Variants in CHODL observed in about 807,000 individuals in gnomAD.
CHODL encodes the protein chondrolectin.
A neutral mutation model predicts 34.5 loss-of-function variants in CHODL; 29 were observed. The observed-to-expected ratio is 0.84, with a 90% CI of 0.63 to 1.15. CHODL has a LOEUF of 1.15. CHODL is among the 50% of genes most tolerant of loss of function. The probability of loss-of-function intolerance (pLI) is 0.00; values close to 1 mark genes in which losing one functional copy is unlikely to be tolerated. For missense variants in CHODL, 332 were observed against 332.5 expected (o/e 1.00, Z 0.01); for synonymous variants, 125 against 116.1 (o/e 1.08, Z -0.49).
intron 2 of CHODL, among the ~76,000 whole-genome samples, chr21:18,035,760 G>A (rs1568854594): frequency 6.6e-6 from 1 of 151,344 alleles, no homozygotes; most frequent in Non-Finnish European, 1.5e-5. Context: ...AATCTCAGAT[G>A]TTAAAGTTTT....
Position 18,248,729 on chromosome 21 carries a change from T to TA in CHODL, c.79+3428dup, listed in dbSNP as rs1186522792. Among the ~76,000 whole-genome samples, 146 of 120,158 alleles carry TA rather than the reference T, an allele frequency of 1.2e-3. 1 individual carries two copies. The highest frequency in any genetic ancestry group is 5.1e-3 in the African/African-American group (141 of 27,838). The allele number at this position is 120,158 out of a possible 152,430, so 78.8% of individuals were successfully genotyped here. A position where few individuals can be genotyped will look rare whatever the true frequency, so the allele number is the denominator to read the frequency against. On this transcript the variant is annotated intron_variant, in intron 1 of 5. Transcript: ENST00000299295. ...TATATAATATATACATATATATGTA[T>TA]ATAATATATATGTATAATATATATG...
intron 1 of CHODL, among the ~76,000 whole-genome samples, chr21:17,945,068 C>T (rs369286108): frequency 2.0e-5 from 3 of 151,902 alleles, no homozygotes; most frequent in South Asian, 2.1e-4. Context: ...AAAAATTAGC[C>T]GGGCATGGTG....
chr21:17,972,596 G>A (rs529734006), intron 1 of CHODL, among the ~76,000 whole-genome samples: 1 of 152,286 alleles, frequency 6.6e-6, no homozygotes, highest in African/African-American at 2.4e-5. Flanking sequence ...GGATGTGAAG[G>A]ACCTCTTCAA....
chr21:17,981,375 TG>T (rs2063712699), intron 1 of CHODL, among the ~76,000 whole-genome samples: 1 of 152,166 alleles, frequency 6.6e-6, no homozygotes, highest in South Asian at 2.1e-4. Context: ...GTGTTGTTCA[TG>T]GGCAGCGTTT....
intron 1 of CHODL, among the ~76,000 whole-genome samples, chr21:17,942,539 G>A (rs2063373970): frequency 6.6e-6 from 1 of 152,018 alleles, no homozygotes; most frequent in East Asian, 1.9e-4. Flanking sequence ...CCAGTCTCAG[G>A]TATGTCTTTA....
intron 1 of CHODL, among the ~76,000 whole-genome samples, chr21:17,970,253 C>T (rs563375895): frequency 6.6e-6 from 1 of 152,218 alleles, no homozygotes; most frequent in East Asian, 1.9e-4. Context: ...GACCACAAAA[C>T]TCTATTTACA....
chr21:17,994,810 CAGTT>C (rs1347230531), intron 1 of CHODL, among the ~76,000 whole-genome samples: 1 of 152,042 alleles, frequency 6.6e-6, no homozygotes, highest in Admixed American at 6.6e-5. Flanking sequence ...CCAGCAGTGG[CAGTT>C]AGTAGATTGA....
At chr21:18,047,328 G>A (rs898719625) in intron 2 of CHODL, among the ~76,000 whole-genome samples, 2 of 151,960 alleles carry the variant, frequency 1.3e-5, no homozygotes, top group African/African-American at 4.8e-5. Flanking sequence ...AATTGTGAGA[G>A]AGAAATTATT....
intron 2 of CHODL, among the ~76,000 whole-genome samples, chr21:18,073,237 C>T (rs149270146): frequency 6.6e-5 from 10 of 152,196 alleles, no homozygotes; most frequent in Non-Finnish European, 1.3e-4. Context: ...TTAGTACTAG[C>T]TTAAAAGTTT....
chr21:18,182,009 A>C (rs962296007), intron 2 of CHODL, among the ~76,000 whole-genome samples: 3 of 152,206 alleles, frequency 2.0e-5, no homozygotes, highest in African/African-American at 7.2e-5. Flanking sequence ...GAATATTATT[A>C]ATAATGCTGC....
chr21:18,248,043 A>C (rs929823510), intron 1 of CHODL, among the ~76,000 whole-genome samples: 2 of 150,720 alleles, frequency 1.3e-5, no homozygotes, highest in African/African-American at 4.9e-5. Context: ...TCTAGTGTGC[A>C]TAGCAGTGAT....
chr21:18,078,549 G>A (rs166960), intron 2 of CHODL, among the ~76,000 whole-genome samples: 61,085 of 151,980 alleles, frequency 0.4, 13,549 homozygotes, highest in Non-Finnish European at 0.51. Context: ...TATTATTGCA[G>A]ATACATCGAC....
chr21:18,067,155 A>G (rs959623655), intron 2 of CHODL, among the ~76,000 whole-genome samples: 4 of 152,206 alleles, frequency 2.6e-5, no homozygotes, highest in African/African-American at 9.7e-5. Flanking sequence ...ACTTTTAAGC[A>G]GTATAGAAAG....
intron 2 of CHODL, among the ~76,000 whole-genome samples, chr21:18,203,676 G>A (rs1380114443): frequency 1.3e-5 from 2 of 151,944 alleles, no homozygotes; most frequent in East Asian, 1.9e-4. Flanking sequence ...TTTGTTCACC[G>A]AATATATAGT....
At chr21:18,023,252 A>T (rs975264326) in intron 1 of CHODL, among the ~76,000 whole-genome samples, 1 of 152,024 alleles carries the variant, frequency 6.6e-6, no homozygotes, top group Non-Finnish European at 1.5e-5. Flanking sequence ...CTACAAAGAG[A>T]TTCCCCAGCT....
At chr21:18,203,410 C>T (rs1341507630) in intron 2 of CHODL, among the ~76,000 whole-genome samples, 2 of 152,084 alleles carry the variant, frequency 1.3e-5, no homozygotes, top group African/African-American at 4.8e-5. Context: ...GCATGCAGTT[C>T]GTTCTAAAAC....
chr21:18,059,749 A>G (rs142423946), intron 2 of CHODL, among the ~76,000 whole-genome samples: 1 of 152,320 alleles, frequency 6.6e-6, no homozygotes, highest in East Asian at 1.9e-4. Flanking sequence ...ACATAGGAAC[A>G]GAAAACCAAA....
At chr21:18,093,162 G>A (rs971409165) in intron 2 of CHODL, among the ~76,000 whole-genome samples, 10 of 152,134 alleles carry the variant, frequency 6.6e-5, no homozygotes, top group African/African-American at 2.4e-4. Context: ...AAACCTTACA[G>A]GCCAGGAGAG....
intron 1 of CHODL, among the ~76,000 whole-genome samples, chr21:17,963,169 C>G (rs1281217298): frequency 2.6e-5 from 4 of 152,110 alleles, no homozygotes; most frequent in African/African-American, 9.7e-5. Context: ...TCTTCATTCT[C>G]TTATTCCATT....
Sources: allele counts gnomAD v4.1 joint callset (sites outside exome capture counted in the v4.1 genomes callset), GRCh38; gene constraint gnomAD v4.1.1; transcripts MANE v1.5; gene names NCBI Gene and HGNC (gene_info 2026-07-23, HGNC 2026-07-21).